DNAH11: variants seen among roughly 807,000 people sequenced by gnomAD.
The protein encoded by DNAH11 is dynein axonemal heavy chain 11.
DNAH11 carries 442 observed loss-of-function variants against 526.0 expected under a neutral mutation model. The observed-to-expected ratio is 0.84, with a 90% confidence interval of 0.78 to 0.91. The LOEUF is 0.91. Ranked by LOEUF, DNAH11 falls within the 40% of genes least tolerant of loss-of-function variation. The pLI is 0.00. For synonymous variants in DNAH11, 2,461 were observed against 1,935.9 expected (o/e 1.27, Z -7.12); for missense variants, 6,989 against 5,448.7 (o/e 1.28, Z -8.90).
Position 21,758,552 on chromosome 7 carries a change from A to G in DNAH11, c.8941-6876A>G, listed in dbSNP as rs552863460. On this transcript the variant is annotated intron_variant, in intron 54 of 81. Coordinates refer to ENST00000409508, the MANE Select transcript of DNAH11 (RefSeq NM_001277115.2). ...ACCTAGAGCCACCTCATTCAATCCA[A>G]TAATCACACACAAAAAGTAAAATCA... Among the ~76,000 whole-genome samples, 171 of 152,330 alleles carry G rather than the reference A, an allele frequency of 1.1e-3. 1 individual carries two copies. Among genetic ancestry groups the G allele is most frequent in the South Asian group, 1.7e-3 (8 of 4,824 alleles).
At chr7:21,757,659 G>C (rs994284902) in intron 54 of DNAH11, among the ~76,000 whole-genome samples, 1 of 152,066 alleles carries the variant, frequency 6.6e-6, no homozygotes, top group Admixed American at 6.5e-5. Context: ...CTCTTTGCAC[G>C]TAGAGACAGT....
chr7:21,641,975 G>C (rs918251816), intron 28 of DNAH11, among the ~76,000 whole-genome samples: 4 of 152,154 alleles, frequency 2.6e-5, no homozygotes, highest in African/African-American at 9.7e-5. Flanking sequence ...CCTCACAGCT[G>C]TGCTGATAAA....
chr7:21,654,609 G>A (rs1008808434), intron 28 of DNAH11, among the ~76,000 whole-genome samples: 7 of 152,168 alleles, frequency 4.6e-5, no homozygotes, highest in Non-Finnish European at 1.0e-4. Context: ...CCTAGGAGAG[G>A]AGTTGCTGGA....
At chr7:21,895,070 C>T in intron 79 of DNAH11, 71 bp downstream of exon 79, 1 of 1,270,844 alleles carries the variant, frequency 7.9e-7, no homozygotes, top group South Asian at 1.2e-5. Flanking sequence ...CTGAATAATG[C>T]TTCCTAAGAA....
intron 61 of DNAH11, among the ~76,000 whole-genome samples, chr7:21,794,036 C>T (rs942205167): frequency 6.6e-6 from 1 of 152,202 alleles, no homozygotes; most frequent in African/African-American, 2.4e-5. Context: ...TTTACTCATT[C>T]TGCTCTTTAA....
At chr7:21,861,802 G>A (rs1783072716) in intron 68 of DNAH11, 51 bp from the exon 69 acceptor site, 3 of 1,602,484 alleles carry the variant, frequency 1.9e-6, no homozygotes, top group Non-Finnish European at 2.6e-6. Flanking sequence ...GGGGTAGCTA[G>A]ACATCCAGGC....
At chr7:21,685,873 G>A (rs62445280) in intron 32 of DNAH11, among the ~76,000 whole-genome samples, 35,255 of 152,132 alleles carry the variant, frequency 0.23, 4,092 homozygotes, top group African/African-American at 0.27. Context: ...AATGGCACTC[G>A]TCATTTCTGC....
intron 45 of DNAH11, among the ~76,000 whole-genome samples, chr7:21,733,046 G>T (rs995737337): frequency 6.6e-6 from 1 of 152,168 alleles, no homozygotes; most frequent in African/African-American, 2.4e-5. Context: ...TGGCTATGTG[G>T]GGGAGGGGTG....
chr7:21,793,411 A>G (rs1305273526), intron 61 of DNAH11, among the ~76,000 whole-genome samples: 1 of 151,948 alleles, frequency 6.6e-6, no homozygotes, highest in African/African-American at 2.4e-5. Context: ...AGGTCAGGAG[A>G]TTGAGACCAT....
chr7:21,711,219 G>T (rs751944793), intron 41 of DNAH11, among the ~76,000 whole-genome samples: 4 of 152,064 alleles, frequency 2.6e-5, no homozygotes, highest in Non-Finnish European at 5.9e-5. Flanking sequence ...TCTGTTGTTG[G>T]GGTCAGCAGA....
intron 54 of DNAH11, among the ~76,000 whole-genome samples, chr7:21,761,763 T>C (rs6949611): frequency 0.38 from 57,680 of 151,852 alleles, 12,755 homozygotes; most frequent in Non-Finnish European, 0.51. Flanking sequence ...ATTTAAGCAA[T>C]AATACATAAC....
intron 52 of DNAH11, among the ~76,000 whole-genome samples, chr7:21,749,142 G>A (rs1386863880): frequency 6.6e-6 from 1 of 152,130 alleles, no homozygotes; most frequent in Non-Finnish European, 1.5e-5. Context: ...GATAAGAACA[G>A]GAGAAGAAGA....
intron 57 of DNAH11, among the ~76,000 whole-genome samples, chr7:21,782,456 A>T (rs1787986324): frequency 6.6e-6 from 1 of 152,236 alleles, no homozygotes; most frequent in African/African-American, 2.4e-5. Context: ...AACGGTATTG[A>T]GAATGAGAAA....
At chr7:21,667,198 T>A (rs936768300) in intron 30 of DNAH11, among the ~76,000 whole-genome samples, 10 of 152,082 alleles carry the variant, frequency 6.6e-5, no homozygotes, top group Admixed American at 4.6e-4. Context: ...CAAGAGGCTA[T>A]TAGTGGAGGT....
At position 21,595,309 on chromosome 7, in the gene DNAH11, A is replaced by G. The variant is rs549563244; in HGVS notation, c.2667+3732A>G. 7.1e-3 allele frequency among the ~76,000 whole-genome samples: 1,084 copies of G among 152,280 alleles called. 3 individuals are homozygous for G. The highest frequency in any genetic ancestry group is 0.012 in the Non-Finnish European group (801 of 68,022). ...ACCTCCTCCTAAACCCCTCCTCATAATACCATCCCCTTGGGGGTTGGGATT... is the reference window on the plus strand; with the variant it reads ...ACCTCCTCCTAAACCCCTCCTCATAGTACCATCCCCTTGGGGGTTGGGATT... On this transcript the variant is annotated intron_variant, in intron 14 of 81. Transcript: ENST00000409508.
intron 30 of DNAH11, among the ~76,000 whole-genome samples, chr7:21,679,776 T>C (rs886859756): frequency 3.9e-5 from 6 of 152,152 alleles, no homozygotes; most frequent in Non-Finnish European, 2.9e-5. Context: ...GGATTTGAAT[T>C]TCTCCTCCCT....
chr7:21,895,108 C>G (rs892851131), intron 79 of DNAH11, 109 bp downstream of exon 79: 5 of 892,492 alleles, frequency 5.6e-6, no homozygotes, highest in South Asian at 3.4e-5. Flanking sequence ...TGTGACTGTT[C>G]TCAACCTGTA....
rs756918454 is a variant in DNAH11, at chr7:21,816,905, A to T, written c.10568+203A>T. ...TTGTTGGATGGCACCCAATTATCTG[A>T]AGAAGAGATAAGATTGAAGGTTAGA... On this transcript the variant is annotated intron_variant, in intron 64 of 81. Coordinates refer to ENST00000409508, the MANE Select transcript of DNAH11 (RefSeq NM_001277115.2). Among the ~76,000 whole-genome samples the T allele has an allele frequency of 2.0e-5, 3 of 152,152 alleles. 1 individual carries two copies. Among genetic ancestry groups the T allele is most frequent in the Non-Finnish European group, 4.4e-5 (3 of 68,026 alleles).
chr7:21,765,694 G>T (rs1325703642), intron 55 of DNAH11, 105 bp downstream of exon 55: 1 of 1,328,852 alleles, frequency 7.5e-7, no homozygotes, highest in South Asian at 1.7e-5. Context: ...GCTTTCCACA[G>T]TACATCTCCT....
Sources: allele counts gnomAD v4.1 joint callset (sites outside exome capture counted in the v4.1 genomes callset), GRCh38; gene constraint gnomAD v4.1.1; transcripts MANE v1.5; gene names NCBI Gene and HGNC (gene_info 2026-07-23, HGNC 2026-07-21).